TET2: variants seen among roughly 807,000 people sequenced by gnomAD.
TET2 encodes methylcytosine dioxygenase TET2.
In TET2, 299 loss-of-function variants were observed where a neutral mutation model predicts 142.9. The observed-to-expected ratio is 2.09, with a 90% CI of 1.90 to 2.30. The LOEUF is 2.30. Ranked by LOEUF, TET2 falls within the 30% of genes most tolerant of loss-of-function variation. The pLI is 0.00. For missense variants in TET2, 2,418 were observed against 2,378.0 expected (o/e 1.02, Z -0.35); for synonymous variants, 819 against 849.0 (o/e 0.96, Z 0.61).
chr4:105,164,367 C>A (rs1724043272), intron 1 of TET2, among the ~76,000 whole-genome samples: 1 of 152,332 alleles, frequency 6.6e-6, no homozygotes, highest in East Asian at 1.9e-4. Flanking sequence ...ATTTGTGAAT[C>A]TGCTTCTCTA....
At chr4:105,227,017 AT>A (rs953059279) in intron 2 of TET2, among the ~76,000 whole-genome samples, 3 of 152,110 alleles carry the variant, frequency 2.0e-5, no homozygotes, top group Non-Finnish European at 4.4e-5. Context: ...GAGTAATATA[AT>A]TTTTTAATAT....
In TET2 at chr4:105,237,934, C is replaced by G. The variant is rs995987845; in HGVS notation, c.3409+583C>G. The G allele has an allele frequency of 2.8e-5, 28 of 1,009,298 alleles. No homozygotes were observed. In the African/African-American group the frequency reaches 4.6e-4, roughly 17 times the overall value. 62.5% of individuals were successfully genotyped at this position (1,009,298 alleles called of 1,614,324 possible). A position where few individuals can be genotyped will look rare whatever the true frequency, so the allele number is the denominator to read the frequency against. The stretch of plus-strand genomic sequence containing the variant: ...GTTGTGATTTATATTCATTTTGATT[C>G]CCTTTTCTCTAAAATTTCATCTTTT... On this transcript the variant is annotated intron_variant, in intron 3 of 10. Coordinates refer to ENST00000380013, the MANE Select transcript of TET2 (RefSeq NM_001127208.3).
intron 2 of TET2, among the ~76,000 whole-genome samples, chr4:105,190,999 G>T (rs1040819704): frequency 6.6e-6 from 1 of 152,178 alleles, no homozygotes; most frequent in Non-Finnish European, 1.5e-5. Flanking sequence ...AACTAGCAGA[G>T]AACTAAATTA....
At chr4:105,178,571 G>T (rs1724938447) in intron 1 of TET2, among the ~76,000 whole-genome samples, 1 of 152,126 alleles carries the variant, frequency 6.6e-6, no homozygotes, top group South Asian at 2.1e-4. Flanking sequence ...TATGGGGTTT[G>T]GGTATCAAAA....
chr4:105,233,102 G>T (rs62330908), intron 2 of TET2, among the ~76,000 whole-genome samples: 4,976 of 152,146 alleles, frequency 0.033, 109 homozygotes, highest in Non-Finnish European at 0.052. Flanking sequence ...AGCTACTGCA[G>T]GTGGGGTGCG....
In TET2 at chr4:105,275,128, C is replaced by T. The variant is rs1383015342; in HGVS notation, c.4618C>T (p.Gln1540Ter). 1.3e-6 allele frequency: 2 copies of T among 1,551,508 alleles called. No homozygotes were observed. Among genetic ancestry groups the T allele is most frequent in the Non-Finnish European group, 1.7e-6 (2 of 1,146,726 alleles). The change falls in exon 11 of 11, where the codon CAG (glutamine) becomes TAG (stop). Residue 1540 changes from glutamine to a stop codon, truncating the protein, a stop_gained. Transcript: ENST00000380013. LOFTEE classifies it low-confidence loss of function (END_TRUNC). ...PLQKQPPQPQ[Q>*]QQRPQQQQPH... Reference sequence around the variant, plus strand: ...ACAGAAGCAGCCACCACAGCCCCAGCAGCAGCAGAGACCCCAGCAGCAGCA... The same window carrying T: ...ACAGAAGCAGCCACCACAGCCCCAGTAGCAGCAGAGACCCCAGCAGCAGCA...
chr4:105,268,909 G>A (rs980210358), intron 8 of TET2, among the ~76,000 whole-genome samples: 1 of 152,146 alleles, frequency 6.6e-6, no homozygotes, highest in Admixed American at 6.5e-5. Context: ...GGAGGCAGAG[G>A]TTGCAGTGAG....
At chr4:105,190,028 T>C (rs1725691445) in intron 1 of TET2, among the ~76,000 whole-genome samples, 1 of 152,214 alleles carries the variant, frequency 6.6e-6, no homozygotes, top group Admixed American at 6.5e-5. Flanking sequence ...ACCTAGGTGA[T>C]ACTCTTGTAA....
At chr4:105,228,442 T>C (rs1728311897) in intron 2 of TET2, among the ~76,000 whole-genome samples, 1 of 152,128 alleles carries the variant, frequency 6.6e-6, no homozygotes, top group Non-Finnish European at 1.5e-5. Flanking sequence ...ATTTCTTTTT[T>C]AGTCACCTTC....
At chr4:105,267,717 T>C in intron 8 of TET2, among the ~76,000 whole-genome samples, 1 of 151,594 alleles carries the variant, frequency 6.6e-6, no homozygotes, top group East Asian at 1.9e-4. Flanking sequence ...ATGTAAATGG[T>C]TTTAACACCC....
chr4:105,185,654 C>A (rs1379722211), intron 1 of TET2, among the ~76,000 whole-genome samples: 3 of 152,138 alleles, frequency 2.0e-5, no homozygotes, highest in South Asian at 2.1e-4. Context: ...GGGCATGCGC[C>A]TGTAATCCCA....
rs1396346888 is a variant in TET2, at chr4:105,196,307, C to T, written c.-47+5802C>T. 3.9e-5 allele frequency among the ~76,000 whole-genome samples: 6 copies of T among 151,932 alleles called. 1 individual carries two copies. Among genetic ancestry groups the T allele is most frequent in the Admixed American group, 2.0e-4 (3 of 15,224 alleles). On this transcript the variant is annotated intron_variant, in intron 2 of 10. Coordinates refer to ENST00000380013, the MANE Select transcript of TET2 (RefSeq NM_001127208.3). Reference sequence around the variant, plus strand: ...CTTTATTAAAGGAGTGGAAGCTTCCCCCTCCCCACCTCACCACTTGAAGTT... The same window carrying T: ...CTTTATTAAAGGAGTGGAAGCTTCCTCCTCCCCACCTCACCACTTGAAGTT...
chr4:105,221,733 C>T (rs1217768342), intron 2 of TET2, among the ~76,000 whole-genome samples: 1 of 151,246 alleles, frequency 6.6e-6, no homozygotes, highest in Non-Finnish European at 1.5e-5. Flanking sequence ...TATTATTATA[C>T]TTTAAGTTTT....
intron 1 of TET2, among the ~76,000 whole-genome samples, chr4:105,188,356 G>A (rs887164050): frequency 6.6e-6 from 1 of 152,148 alleles, no homozygotes; most frequent in Admixed American, 6.5e-5. Flanking sequence ...GATTGCCAGG[G>A]GCTGGGAGGA....
intron 2 of TET2, among the ~76,000 whole-genome samples, chr4:105,201,273 G>A (rs1726446909): frequency 6.6e-6 from 1 of 152,038 alleles, no homozygotes; most frequent in Non-Finnish European, 1.5e-5. Flanking sequence ...CAAAAAAAAG[G>A]CATCACTTCC....
chr4:105,268,579 T>G (rs1017403392), intron 8 of TET2, among the ~76,000 whole-genome samples: 2 of 152,188 alleles, frequency 1.3e-5, no homozygotes, highest in Non-Finnish European at 2.9e-5. Context: ...GGACTTGGAA[T>G]AGTCAAATAA....
At chr4:105,225,414 T>C (rs1578653815) in intron 2 of TET2, among the ~76,000 whole-genome samples, 1 of 152,316 alleles carries the variant, frequency 6.6e-6, no homozygotes, top group South Asian at 2.1e-4. Flanking sequence ...TGACTACTGA[T>C]GCACATTTCT....
intron 8 of TET2, among the ~76,000 whole-genome samples, chr4:105,265,113 A>AAAT (rs1473129587): frequency 6.6e-6 from 1 of 152,198 alleles, no homozygotes; most frequent in Non-Finnish European, 1.5e-5. Flanking sequence ...GTCAATCTCA[A>AAAT]AATCGTGTGC....
At chr4:105,238,212 CT>C in intron 3 of TET2, 1 of 235,330 alleles carries the variant, frequency 4.2e-6, no homozygotes, top group Non-Finnish European at 9.1e-6. Flanking sequence ...GAGTGCTAAT[CT>C]TTTTGCTGGT....
Sources: allele counts gnomAD v4.1 joint callset (sites outside exome capture counted in the v4.1 genomes callset), GRCh38; gene constraint gnomAD v4.1.1; transcripts MANE v1.5; gene names NCBI Gene and HGNC (gene_info 2026-07-23, HGNC 2026-07-21).